RALGAPA2: variants seen among roughly 807,000 people sequenced by gnomAD.
RALGAPA2 encodes ral GTPase-activating protein subunit alpha-2.
A neutral mutation model predicts 230.4 loss-of-function variants in RALGAPA2; 139 were observed. That is an observed-to-expected ratio of 0.60 (90% CI 0.53 to 0.69). The LOEUF is 0.69. Ranked by LOEUF, RALGAPA2 falls within the 30% of genes least tolerant of loss-of-function variation. RALGAPA2 has a pLI of 0.00. For synonymous variants in RALGAPA2, 847 were observed against 837.8 expected, an observed-to-expected ratio of 1.01 and a Z score of -0.19; for missense variants, 2,163 against 2,276.0, an observed-to-expected ratio of 0.95 and a Z score of 1.01.
chr20:20,433,161 T>C (rs1197132984), intron 37 of RALGAPA2, among the ~76,000 whole-genome samples: 1 of 152,230 alleles, frequency 6.6e-6, no homozygotes, highest in Non-Finnish European at 1.5e-5. Flanking sequence ...TGCCAGTCAA[T>C]TGTGTGCCCA....
At chr20:20,502,635 G>A (rs1282488496) in intron 35 of RALGAPA2, among the ~76,000 whole-genome samples, 2 of 152,194 alleles carry the variant, frequency 1.3e-5, no homozygotes, top group East Asian at 1.9e-4. Flanking sequence ...TGGTCAGCAC[G>A]TGAGGTGCTG....
intron 37 of RALGAPA2, among the ~76,000 whole-genome samples, chr20:20,445,403 T>A (rs2060838585): frequency 6.6e-6 from 1 of 152,146 alleles, no homozygotes; most frequent in Admixed American, 6.5e-5. Context: ...TGGTTCTGAG[T>A]ATGGGGGCCA....
In RALGAPA2 at chr20:20,463,927, T is replaced by C. The variant is rs187410931; in HGVS notation, c.5495+8902A>G. ...TCTAACAGCTTTCTAATAGCAAAAATGTATTTGGGAACAACAGTGGAATTT... is the reference window on the plus strand; with the variant it reads ...TCTAACAGCTTTCTAATAGCAAAAACGTATTTGGGAACAACAGTGGAATTT... On this transcript the variant is annotated intron_variant, in intron 37 of 39. Coordinates refer to ENST00000202677, the MANE Select transcript of RALGAPA2 (RefSeq NM_020343.4). Among the ~76,000 whole-genome samples, 179 of 152,302 alleles carry C rather than the reference T, an allele frequency of 1.2e-3. 1 individual carries two copies. The highest frequency in any genetic ancestry group is 4.0e-3 in the African/African-American group (167 of 41,568).
At chr20:20,475,848 A>G (rs2061639033) in intron 36 of RALGAPA2, among the ~76,000 whole-genome samples, 2 of 152,194 alleles carry the variant, frequency 1.3e-5, no homozygotes, top group South Asian at 4.1e-4. Flanking sequence ...GATTATGTAT[A>G]TGAAAAGTCC....
intron 31 of RALGAPA2, among the ~76,000 whole-genome samples, chr20:20,519,227 C>T (rs1210214381): frequency 6.6e-6 from 1 of 152,204 alleles, no homozygotes; most frequent in Non-Finnish European, 1.5e-5. Context: ...TATCCCTTAA[C>T]CTCAGTTTGC....
Position 20,546,938 on chromosome 20 carries a change from C to G in RALGAPA2, c.3157-106G>C, listed in dbSNP as rs530147625. 8.5e-6 allele frequency: 10 copies of G among 1,171,260 alleles called. No homozygotes were observed. The South Asian group carries it at 2.6e-4, about 30-fold the overall frequency. The allele number at this position is 1,171,260 out of a possible 1,614,324, so 72.6% of individuals were successfully genotyped here. A position where few individuals can be genotyped will look rare whatever the true frequency, so the allele number is the denominator to read the frequency against. On this transcript the variant is annotated intron_variant, in intron 23 of 39. Coordinates refer to ENST00000202677, the MANE Select transcript of RALGAPA2 (RefSeq NM_020343.4). ...ACCACTGTATAATAATCCAAGAGAG[C>G]ACAGATTACAGAAAATTTTCAGTGA...
chr20:20,481,441 G>GA (rs1433249591), intron 36 of RALGAPA2, among the ~76,000 whole-genome samples: 6 of 152,168 alleles, frequency 3.9e-5, no homozygotes, highest in Admixed American at 1.3e-4. Context: ...AGGCCACATT[G>GA]AAAATGACAA....
chr20:20,578,848 C>G (rs2064899454), intron 20 of RALGAPA2, among the ~76,000 whole-genome samples: 1 of 152,194 alleles, frequency 6.6e-6, no homozygotes, highest in Non-Finnish European at 1.5e-5. Context: ...CCAGTGCAGC[C>G]TGGCTCTCCT....
intron 1 of RALGAPA2, among the ~76,000 whole-genome samples, chr20:20,685,368 G>A (rs1395017096): frequency 2.0e-5 from 3 of 152,224 alleles, no homozygotes; most frequent in African/African-American, 7.2e-5. Context: ...AAGGCCACAT[G>A]GGGAAGCTAG....
At chr20:20,395,878 G>A (rs1051916981) in intron 39 of RALGAPA2, among the ~76,000 whole-genome samples, 3 of 152,232 alleles carry the variant, frequency 2.0e-5, no homozygotes, top group South Asian at 4.1e-4. Context: ...ATTCCACTGT[G>A]GGCGACAGGC....
chr20:20,429,758 C>A (rs930255839), intron 37 of RALGAPA2, among the ~76,000 whole-genome samples: 1 of 152,192 alleles, frequency 6.6e-6, no homozygotes, highest in Non-Finnish European at 1.5e-5. Flanking sequence ...GAGCGTCTCA[C>A]GGTAAAGGCC....
At chr20:20,593,037 C>G (rs2065341177) in intron 16 of RALGAPA2, among the ~76,000 whole-genome samples, 1 of 152,128 alleles carries the variant, frequency 6.6e-6, no homozygotes, top group Non-Finnish European at 1.5e-5. Context: ...CACACCTCAC[C>G]CTCCTGAGTA....
intron 36 of RALGAPA2, among the ~76,000 whole-genome samples, chr20:20,491,387 C>T (rs182414427): frequency 3.9e-5 from 6 of 152,326 alleles, no homozygotes; most frequent in Non-Finnish European, 7.3e-5. Flanking sequence ...ACTGCTCCTG[C>T]TCAAGGCTGC....
chr20:20,629,679 C>T, intron 9 of RALGAPA2, 89 bp from the exon 10 acceptor site: 1 of 1,334,546 alleles, frequency 7.5e-7, no homozygotes, highest in Non-Finnish European at 1.1e-6. Context: ...TTTTAAGTAA[C>T]TCTGGTTACC....
At chr20:20,427,605 A>T (rs2060412475) in intron 37 of RALGAPA2, among the ~76,000 whole-genome samples, 1 of 151,752 alleles carries the variant, frequency 6.6e-6, no homozygotes, top group Admixed American at 6.6e-5. Flanking sequence ...TGTGTCCTTC[A>T]TGTCCTCCAG....
Position 20,393,216 on chromosome 20 carries a change from C to T in RALGAPA2, c.*73G>A. 1 of 1,353,000 alleles carries T rather than the reference C, an allele frequency of 7.4e-7. No homozygotes were observed. Among genetic ancestry groups the T allele is most frequent in the Non-Finnish European group, 9.8e-7 (1 of 1,015,502 alleles). The allele number at this position is 1,353,000 out of a possible 1,614,324, so 83.8% of individuals were successfully genotyped here. A position where few individuals can be genotyped will look rare whatever the true frequency, so the allele number is the denominator to read the frequency against. ...GTTCTGTCTCCTCCTCACTCAGGGG[C>T]TCTTCGAGGTCAGCACTCAGACTGG... On this transcript the variant is annotated 3_prime_UTR_variant, in exon 40 of 40. Coordinates refer to ENST00000202677, the MANE Select transcript of RALGAPA2 (RefSeq NM_020343.4).
intron 37 of RALGAPA2, among the ~76,000 whole-genome samples, chr20:20,452,542 A>T (rs558725948): frequency 3.9e-5 from 6 of 152,362 alleles, no homozygotes; most frequent in Admixed American, 6.5e-5. Flanking sequence ...ACAGGAACCC[A>T]GTGAGCTGAA....
At chr20:20,484,805 C>T (rs1018106652) in intron 36 of RALGAPA2, among the ~76,000 whole-genome samples, 3 of 152,110 alleles carry the variant, frequency 2.0e-5, no homozygotes, top group Admixed American at 1.3e-4. Flanking sequence ...GACTGTGATC[C>T]CTAATTACTG....
chr20:20,680,586 T>C, intron 2 of RALGAPA2, 105 bp downstream of exon 2: 3 of 1,387,860 alleles, frequency 2.2e-6, no homozygotes, highest in Non-Finnish European at 1.9e-6. Flanking sequence ...TGCTAAAGGC[T>C]TGGCAAGAAA....
Sources: gnomAD v4.1 joint callset for allele counts (sites outside exome capture counted in the v4.1 genomes callset) on GRCh38, gnomAD v4.1.1 for gene constraint, MANE v1.5 for transcripts, NCBI Gene and HGNC (gene_info 2026-07-23, HGNC 2026-07-21) for gene names.